DNAJB4: variants seen among roughly 807,000 people sequenced by gnomAD.
DNAJB4 encodes dnaJ homolog subfamily B member 4.
Under a neutral mutation model 26.6 loss-of-function variants are expected in DNAJB4, and 10 were observed. That is an observed-to-expected ratio of 0.38 (90% CI 0.23 to 0.64). DNAJB4 has a LOEUF of 0.64. DNAJB4 is among the 30% of genes least tolerant of loss of function. The pLI, the probability that DNAJB4 is intolerant of heterozygous loss-of-function variation, is 0.58. For synonymous variants in DNAJB4, 136 were observed against 134.8 expected (o/e 1.01, Z -0.06); for missense variants, 328 against 408.2 (o/e 0.80, Z 1.69).
At chr1:77,997,707 T>A (rs1370803788) in intron 1 of DNAJB4, among the ~76,000 whole-genome samples, 1 of 152,204 alleles carries the variant, frequency 6.6e-6, no homozygotes, top group South Asian at 2.1e-4. Flanking sequence ...CAGTCTTTCA[T>A]GACTTTGCTC....
intron 1 of DNAJB4, among the ~76,000 whole-genome samples, chr1:77,998,727 A>C (rs114608578): frequency 1.3e-5 from 2 of 151,686 alleles, no homozygotes; most frequent in Admixed American, 6.6e-5. Flanking sequence ...GGTCCTAGCT[A>C]CTCTGGGGGC....
chr1:77,987,998 G>A (rs1659836410), intron 1 of DNAJB4, among the ~76,000 whole-genome samples: 1 of 144,308 alleles, frequency 6.9e-6, no homozygotes, highest in Admixed American at 7.0e-5. Flanking sequence ...TAATATATAT[G>A]CATACATTAT....
chr1:78,015,447 CTTCT>C (rs1181341096), intron 2 of DNAJB4, among the ~76,000 whole-genome samples: 11 of 69,928 alleles, frequency 1.6e-4, no homozygotes, highest in Non-Finnish European at 1.6e-4. Flanking sequence ...TTCTTTTCTT[CTTCT>C]TTTTTTTTTT....
intron 1 of DNAJB4, among the ~76,000 whole-genome samples, chr1:78,006,874 C>T (rs1362183192): frequency 6.6e-6 from 1 of 152,160 alleles, no homozygotes; most frequent in Admixed American, 6.5e-5. Flanking sequence ...CATGGAATGA[C>T]ACTGTGAATT....
At chr1:78,002,716 A>G (rs1313352400), upstream of DNAJB4, among the ~76,000 whole-genome samples, 1 of 152,162 alleles carries the variant, frequency 6.6e-6, no homozygotes, top group Non-Finnish European at 1.5e-5. Context: ...ACAATCACGT[A>G]ATACAACAAT....
chr1:77,987,403 A>G (rs944664936), intron 1 of DNAJB4, among the ~76,000 whole-genome samples: 2 of 152,112 alleles, frequency 1.3e-5, no homozygotes, highest in African/African-American at 4.8e-5. Context: ...AGCTAGGACT[A>G]CAGGCATGCA....
In DNAJB4 at chr1:78,005,183, C is replaced by A; in HGVS notation, c.73C>A (p.Arg25=). 1 of 1,613,998 alleles carries A rather than the reference C, an allele frequency of 6.2e-7. No homozygotes were observed. The change falls in exon 1 of 3, where the codon CGA becomes AGA. Residue 25 remains arginine, a synonymous_variant. Coordinates refer to ENST00000370763, the MANE Select transcript of DNAJB4 (RefSeq NM_007034.5). The part of the protein sequence containing the change: ...ASDEDIKKAY[R]KQALKFHPDK... ...AGATGAAGATATTAAAAAGGCTTACCGAAAACAAGCCCTCAAATTTCATCC... is the reference window on the plus strand; with the variant it reads ...AGATGAAGATATTAAAAAGGCTTACAGAAAACAAGCCCTCAAATTTCATCC...
intron 1 of DNAJB4, among the ~76,000 whole-genome samples, chr1:78,008,144 C>T (rs1448814949): frequency 6.6e-6 from 1 of 152,004 alleles, no homozygotes; most frequent in African/African-American, 2.4e-5. Context: ...TGCTTGAGCC[C>T]AAGAGTTTGA....
intron 1 of DNAJB4, among the ~76,000 whole-genome samples, chr1:77,983,739 G>A (rs1033169259): frequency 1.3e-5 from 2 of 152,304 alleles, no homozygotes; most frequent in African/African-American, 4.8e-5. Flanking sequence ...TCTCAAGGCA[G>A]AAGAATTTTT....
At position 78,016,041 on chromosome 1, in the gene DNAJB4, C is replaced by T. The variant is rs201565517; in HGVS notation, c.808C>T (p.Pro270Ser). The T allele has an allele frequency of 6.2e-5, 100 of 1,613,632 alleles. No individual in the cohort carries two copies. Among genetic ancestry groups the T allele is most frequent in the Non-Finnish European group, 7.6e-5 (90 of 1,179,962 alleles). The change falls in exon 3 of 3, where the codon CCA (proline) becomes TCA (serine). Residue 270 changes from proline (P) to serine (S), a missense_variant. Coordinates refer to ENST00000370763, the MANE Select transcript of DNAJB4 (RefSeq NM_007034.5). The stretch of plus-strand genomic sequence containing the variant: ...ATTGTGTGGCTGCTCAATTAATGTA[C>T]CAACACTGGATGGAAGAAACATACC... ...EALCGCSINVPTLDGRNIPMS... is the reference protein window; with the variant it reads ...EALCGCSINVSTLDGRNIPMS...
intron 1 of DNAJB4, among the ~76,000 whole-genome samples, chr1:77,986,611 C>A (rs1168152357): frequency 6.6e-6 from 1 of 152,198 alleles, no homozygotes; most frequent in Non-Finnish European, 1.5e-5. Flanking sequence ...ACTTTGGAGT[C>A]GGATGAACTT....
At chr1:77,983,440 G>A (rs568475103) in intron 1 of DNAJB4, among the ~76,000 whole-genome samples, 3 of 152,248 alleles carry the variant, frequency 2.0e-5, no homozygotes, top group East Asian at 3.9e-4. Context: ...GCTTGGGGGC[G>A]GTCAGGTCTT....
intron 2 of DNAJB4, among the ~76,000 whole-genome samples, chr1:78,014,938 A>G (rs1227538631): frequency 6.6e-6 from 1 of 152,072 alleles, no homozygotes; most frequent in South Asian, 2.1e-4. Context: ...CTTGAGCTGT[A>G]CTCTATGGAA....
chr1:78,016,608 T>G lies in DNAJB4; in HGVS notation c.*361T>G, dbSNP rs1346549718. On this transcript the variant is annotated 3_prime_UTR_variant, in exon 3 of 3. Coordinates refer to ENST00000370763, the MANE Select transcript of DNAJB4 (RefSeq NM_007034.5). The stretch of plus-strand genomic sequence containing the variant: ...GATAATCAGTATGAAAAGTTCCCAT[T>G]TATAATGGAAATGAAAATTCTTAAC... The G allele has an allele frequency of 5.6e-6, 1 of 179,060 alleles. No homozygotes were observed. The highest frequency in any genetic ancestry group is 2.4e-5 in the African/African-American group (1 of 42,014). 11.1% of individuals were successfully genotyped at this position (179,060 alleles called of 1,614,324 possible).
chr1:78,002,685 C>G (rs1258958170), upstream of DNAJB4, among the ~76,000 whole-genome samples: 1 of 152,052 alleles, frequency 6.6e-6, no homozygotes, highest in Non-Finnish European at 1.5e-5. Flanking sequence ...CAAAAGCTAG[C>G]CAGATTGTTG....
upstream of DNAJB4, chr1:78,004,262 T>C (rs1349154552): frequency 6.6e-6 from 1 of 152,210 alleles, no homozygotes; most frequent in African/African-American, 2.4e-5. Context: ...GATACTAAAA[T>C]TTCAAAAATA....
intron 1 of DNAJB4, among the ~76,000 whole-genome samples, chr1:77,999,133 G>T (rs778433587): frequency 2.6e-5 from 4 of 152,084 alleles, no homozygotes; most frequent in Admixed American, 6.5e-5. Context: ...GTAAGATATA[G>T]TCCGTTATTA....
intron 1 of DNAJB4, among the ~76,000 whole-genome samples, chr1:77,997,819 C>T (rs1346284252): frequency 2.0e-5 from 3 of 152,014 alleles, no homozygotes; most frequent in Non-Finnish European, 4.4e-5. Flanking sequence ...AGACAGTCTC[C>T]CTCTGTCACC....
upstream of DNAJB4, among the ~76,000 whole-genome samples, chr1:78,000,290 A>G (rs1007028737): frequency 5.9e-5 from 9 of 152,228 alleles, no homozygotes; most frequent in African/African-American, 2.2e-4. Flanking sequence ...CTACGTGCCA[A>G]TCACATTTAA....
Sources: gnomAD v4.1 joint callset for allele counts (sites outside exome capture counted in the v4.1 genomes callset) on GRCh38, gnomAD v4.1.1 for gene constraint, MANE v1.5 for transcripts, NCBI Gene and HGNC (gene_info 2026-07-23, HGNC 2026-07-21) for gene names.